Variants in EYS observed in about 807,000 individuals in gnomAD.
The protein encoded by EYS is EGF-like photoreceptor maintenance factor, also known as protein eyes shut homolog.
EYS carries 250 observed loss-of-function variants against 282.1 expected under a neutral mutation model. That is an observed-to-expected ratio of 0.89 (90% CI 0.80 to 0.98). EYS has a LOEUF of 0.98. Ranked by LOEUF, EYS falls within the 50% of genes least tolerant of loss-of-function variation. The pLI, the probability that EYS is intolerant of heterozygous loss-of-function variation, is 0.00. For missense variants in EYS, 4,016 were observed against 3,709.0 expected (o/e 1.08, Z -2.15); for synonymous variants, 1,355 against 1,282.9 (o/e 1.06, Z -1.20).
chr6:65,353,413 T>G, intron 9 of EYS, 45 bp downstream of exon 9: 1 of 1,572,972 alleles, frequency 6.4e-7, no homozygotes, highest in Non-Finnish European at 8.7e-7. Flanking sequence ...TAGCAAATTT[T>G]GAAATGATTC....
chr6:65,276,226 T>G (rs1768044205), intron 12 of EYS, among the ~76,000 whole-genome samples: 1 of 152,092 alleles, frequency 6.6e-6, no homozygotes, highest in African/African-American at 2.4e-5. Flanking sequence ...TCTAAATCAG[T>G]GTCCATAGAT....
At chr6:64,552,936 CA>C (rs1269785864) in intron 26 of EYS, among the ~76,000 whole-genome samples, 1 of 145,282 alleles carries the variant, frequency 6.9e-6, no homozygotes, top group Admixed American at 6.9e-5. Flanking sequence ...CCCTCCCCCC[CA>C]AAAAAAGAAA....
intron 1 of EYS, among the ~76,000 whole-genome samples, chr6:65,693,964 C>T (rs1769339715): frequency 6.7e-6 from 1 of 150,142 alleles, no homozygotes; most frequent in Non-Finnish European, 1.5e-5. Flanking sequence ...GATTTTGATG[C>T]TATAGTCACC....
intron 1 of EYS, among the ~76,000 whole-genome samples, chr6:65,672,640 T>G (rs1768429736): frequency 6.6e-6 from 1 of 151,904 alleles, no homozygotes; most frequent in African/African-American, 2.4e-5. Context: ...TCTCCAGAAA[T>G]AAGTCCTAAA....
intron 7 of EYS, among the ~76,000 whole-genome samples, chr6:65,388,835 T>C (rs1469727487): frequency 6.6e-6 from 1 of 152,090 alleles, no homozygotes; most frequent in Non-Finnish European, 1.5e-5. Flanking sequence ...TTACTTTACC[T>C]GTAACTTTCA....
intron 12 of EYS, among the ~76,000 whole-genome samples, chr6:65,285,019 T>C (rs1471098378): frequency 1.3e-5 from 2 of 152,052 alleles, no homozygotes; most frequent in Non-Finnish European, 2.9e-5. Flanking sequence ...TGTTTGATGT[T>C]TTCTGGCTAT....
At chr6:63,968,125 A>G (rs1766390763) in intron 35 of EYS, among the ~76,000 whole-genome samples, 2 of 152,198 alleles carry the variant, frequency 1.3e-5, no homozygotes, top group Non-Finnish European at 1.5e-5. Context: ...CCTTTGTAAC[A>G]TGCTTTTTAT....
chr6:64,940,543 A>G (rs914295164), intron 15 of EYS, among the ~76,000 whole-genome samples: 2 of 152,086 alleles, frequency 1.3e-5, no homozygotes, highest in African/African-American at 4.8e-5. Flanking sequence ...CCTAATATAC[A>G]GGTGGAAAGG....
intron 2 of EYS, among the ~76,000 whole-genome samples, chr6:65,621,208 C>T (rs1476194327): frequency 6.6e-6 from 1 of 152,064 alleles, no homozygotes; most frequent in Non-Finnish European, 1.5e-5. Context: ...GTAGGTCGCT[C>T]AGGACTTGCT....
At chr6:65,459,426 T>G (rs563000149) in intron 5 of EYS, among the ~76,000 whole-genome samples, 1 of 152,146 alleles carries the variant, frequency 6.6e-6, no homozygotes, top group Admixed American at 6.6e-5. Context: ...CATTATAGTT[T>G]AAGTGTGAAA....
chr6:65,273,715 TTATGC>T (rs923878506), intron 12 of EYS, among the ~76,000 whole-genome samples: 1 of 152,222 alleles, frequency 6.6e-6, no homozygotes, highest in Middle Eastern at 3.2e-3. Context: ...ACAAGTTATG[TTATGC>T]TATACGTTAC....
At chr6:65,534,679 T>A (rs531057661) in intron 2 of EYS, among the ~76,000 whole-genome samples, 6 of 152,198 alleles carry the variant, frequency 3.9e-5, no homozygotes, top group African/African-American at 1.4e-4. Flanking sequence ...CTGGTTCTAG[T>A]TAGCTTATCT....
chr6:64,886,736 T>C lies in EYS; in HGVS notation c.2953A>G (p.Thr985Ala), dbSNP rs745988280. 6.5e-6 allele frequency: 10 copies of C among 1,547,384 alleles called. No individual in the cohort carries two copies. In the South Asian group the frequency reaches 1.2e-4, roughly 19 times the overall value. Residue 985 changes from threonine to alanine, a missense_variant, in exon 19 of 43, where the codon ACT becomes GCT. Thr to Ala is a moderately conservative substitution (Grantham distance 58, BLOSUM62 0). Coordinates refer to ENST00000503581, the MANE Select transcript of EYS (RefSeq NM_001142800.2). ...GCACAGAGGCAGTTGTATCCATCAG[T>C]CCTGTAGACACAATTTTCTTCATCT... ...CLDEENCVYR[T>A]DGYNCLCAPG...
chr6:65,673,245 G>T (rs977002499), intron 1 of EYS, among the ~76,000 whole-genome samples: 1 of 152,036 alleles, frequency 6.6e-6, no homozygotes, highest in African/African-American at 2.4e-5. Flanking sequence ...AGAGATAATG[G>T]GCGATGTTTC....
rs1770909860 is a variant in EYS, at chr6:64,987,746, A to G, written c.2259+9836T>C. Among the ~76,000 whole-genome samples, 5 of 151,640 alleles carry G rather than the reference A, an allele frequency of 3.3e-5. No individual in the cohort carries two copies. In the Middle Eastern group the frequency reaches 0.014, roughly 413 times the overall value. On this transcript the variant is annotated intron_variant, in intron 14 of 42. Coordinates refer to ENST00000503581, the MANE Select transcript of EYS (RefSeq NM_001142800.2). Reference sequence around the variant, plus strand: ...ATGATATACCAGTGAACTATAAAAGACATCCTGGAAAGACACACCTCAGAA... The same window carrying G: ...ATGATATACCAGTGAACTATAAAAGGCATCCTGGAAAGACACACCTCAGAA...
chr6:64,832,150 T>A (rs1765239301), intron 19 of EYS, among the ~76,000 whole-genome samples: 1 of 151,954 alleles, frequency 6.6e-6, no homozygotes, highest in African/African-American at 2.4e-5. Context: ...TAACTCTGAT[T>A]AACATGTTAA....
At chr6:64,071,625 CAT>C (rs751831846) in intron 32 of EYS, among the ~76,000 whole-genome samples, 2 of 147,368 alleles carry the variant, frequency 1.4e-5, no homozygotes, top group Non-Finnish European at 3.0e-5. Flanking sequence ...TATAAAAACA[CAT>C]GTCATTTAGC....
At chr6:64,107,114 C>T (rs1300940242) in intron 31 of EYS, among the ~76,000 whole-genome samples, 1 of 150,722 alleles carries the variant, frequency 6.6e-6, no homozygotes, top group Admixed American at 6.6e-5. Context: ...GCATATTAAT[C>T]ATAGTTTTTT....
At chr6:65,439,003 C>A (rs942337179) in intron 5 of EYS, among the ~76,000 whole-genome samples, 1 of 152,146 alleles carries the variant, frequency 6.6e-6, no homozygotes, top group Admixed American at 6.6e-5. Flanking sequence ...ACATTTAAGT[C>A]TTTAATCCAT....
Sources: gnomAD v4.1 joint callset for allele counts (sites outside exome capture counted in the v4.1 genomes callset) on GRCh38, gnomAD v4.1.1 for gene constraint, MANE v1.5 for transcripts, NCBI Gene and HGNC (gene_info 2026-07-23, HGNC 2026-07-21) for gene names.